Variants in IKZF1 observed in about 807,000 individuals in gnomAD.
IKZF1 encodes the protein IKAROS family zinc finger 1.
IKZF1 carries 10 observed loss-of-function variants against 51.7 expected under a neutral mutation model. That is an observed-to-expected ratio of 0.19 (90% CI 0.12 to 0.33). The LOEUF (loss-of-function observed/expected upper bound fraction) is 0.33. IKZF1 is among the 10% of genes least tolerant of loss of function. The probability of loss-of-function intolerance (pLI) is 1.00; values close to 1 mark genes in which losing one functional copy is unlikely to be tolerated. For missense variants in IKZF1, 484 were observed against 707.5 expected (o/e 0.68, Z 3.58); for synonymous variants, 280 against 282.3 (o/e 0.99, Z 0.08).
chr7:50,379,611 T>C (rs1454134500), intron 4 of IKZF1, among the ~76,000 whole-genome samples: 1 of 152,194 alleles, frequency 6.6e-6, no homozygotes, highest in African/African-American at 2.4e-5. Context: ...ATTATTATTC[T>C]AAATAATGGG....
intron 2 of IKZF1, among the ~76,000 whole-genome samples, chr7:50,326,213 T>A (rs907985072): frequency 1.3e-5 from 2 of 152,356 alleles, no homozygotes; most frequent in South Asian, 4.1e-4. Flanking sequence ...AACAAGGACA[T>A]TTCACACAAT....
At position 50,376,509 on chromosome 7, in the gene IKZF1, G is replaced by T. The variant is rs750161368; in HGVS notation, c.161-24G>T. On this transcript the variant is annotated intron_variant, in intron 3 of 7. Transcript: ENST00000331340. This position sits in a 1 kb window ranked among gnomAD's most constrained non-coding sequence, Gnocchi z 4.5. ...TTTTTTTTTTGCAATGACACTGAGT[G>T]GCCTCCTGTATTGTTTCTTTCAGCC... The T allele has an allele frequency of 6.2e-7, 1 of 1,608,008 alleles. No homozygotes were observed. Among genetic ancestry groups the T allele is most frequent in the South Asian group, 1.1e-5 (1 of 90,576 alleles).
At chr7:50,363,591 T>A (rs1303289392) in intron 3 of IKZF1, among the ~76,000 whole-genome samples, 1 of 152,186 alleles carries the variant, frequency 6.6e-6, no homozygotes, top group Admixed American at 6.5e-5. Flanking sequence ...TTGCCTCTTT[T>A]CTAAGACCGG....
intron 2 of IKZF1, among the ~76,000 whole-genome samples, chr7:50,321,921 T>A (rs1036126979): frequency 6.6e-5 from 10 of 152,196 alleles, no homozygotes; most frequent in Admixed American, 2.0e-4. Context: ...GAAACTCTGT[T>A]TTTGTTTGAA....
At chr7:50,323,599 T>C (rs1177621691) in intron 2 of IKZF1, among the ~76,000 whole-genome samples, 1 of 152,228 alleles carries the variant, frequency 6.6e-6, no homozygotes, top group African/African-American at 2.4e-5. Context: ...TGTAAATGTG[T>C]ATTTTTATAA....
intron 3 of IKZF1, among the ~76,000 whole-genome samples, chr7:50,365,997 C>T (rs1265377352): frequency 1.3e-5 from 2 of 152,120 alleles, no homozygotes; most frequent in Non-Finnish European, 2.9e-5. Flanking sequence ...GAGCTGGAGG[C>T]CATTATCCTT....
chr7:50,348,231 G>A (rs374022167), intron 3 of IKZF1, among the ~76,000 whole-genome samples: 1 of 152,122 alleles, frequency 6.6e-6, no homozygotes, highest in Non-Finnish European at 1.5e-5. Flanking sequence ...TTTTAAGTTT[G>A]TCAGAAAAAT....
At chr7:50,371,617 A>T (rs1808702476) in intron 3 of IKZF1, among the ~76,000 whole-genome samples, 2 of 152,048 alleles carry the variant, frequency 1.3e-5, no homozygotes. Flanking sequence ...ATCACTGGAA[A>T]CCCCTCTCTC....
intron 3 of IKZF1, among the ~76,000 whole-genome samples, chr7:50,335,941 G>C (rs1030441104): frequency 6.6e-6 from 1 of 151,978 alleles, no homozygotes; most frequent in Non-Finnish European, 1.5e-5. Flanking sequence ...CCCCTCACCC[G>C]ATCCTGGCTG....
At position 50,357,015 on chromosome 7, in the gene IKZF1, A is replaced by G. The variant is rs939921166; in HGVS notation, c.161-19518A>G. ...GAGTAACCGAGAGCAGGATGACTGCACCCCTGACTGCCGACTCACCGGGCT... is the reference window on the plus strand; with the variant it reads ...GAGTAACCGAGAGCAGGATGACTGCGCCCCTGACTGCCGACTCACCGGGCT... On this transcript the variant is annotated intron_variant, in intron 3 of 7. Transcript: ENST00000331340. 7.3e-5 allele frequency among the ~76,000 whole-genome samples: 11 copies of G among 151,280 alleles called. No homozygotes were observed. The East Asian group carries it at 1.4e-3, about 19-fold the overall frequency.
chr7:50,319,399 C>T (rs1792515441), intron 2 of IKZF1, among the ~76,000 whole-genome samples: 1 of 151,894 alleles, frequency 6.6e-6, no homozygotes, highest in Non-Finnish European at 1.5e-5. Flanking sequence ...TGGTTTAAAA[C>T]CCAAACACAT....
rs549667778 is a variant in IKZF1 at position 50,317,892 on chromosome 7, C to G, written c.-14-1156C>G. Reference sequence around the variant, plus strand: ...TCAGGTCTCTGCTGAAAGCAGGCCACAGCTCAGATCCACACATCTGAACCA... The same window carrying G: ...TCAGGTCTCTGCTGAAAGCAGGCCAGAGCTCAGATCCACACATCTGAACCA... On this transcript the variant is annotated intron_variant, in intron 1 of 7. Coordinates refer to ENST00000331340, the MANE Select transcript of IKZF1 (RefSeq NM_006060.6). Among the ~76,000 whole-genome samples, 180 of 152,320 alleles carry G rather than the reference C, an allele frequency of 1.2e-3. 2 individuals carry two copies. The highest frequency in any genetic ancestry group is 2.6e-4 in the Non-Finnish European group (18 of 68,024).
chr7:50,400,656 C>T lies in IKZF1; in HGVS notation c.*29C>T, dbSNP rs917278416. 12 of 1,577,438 alleles carry T rather than the reference C, an allele frequency of 7.6e-6. No homozygotes were observed. The highest frequency in any genetic ancestry group is 2.3e-5 in the South Asian group (2 of 88,328). On this transcript the variant is annotated 3_prime_UTR_variant, in exon 8 of 8. Transcript: ENST00000331340. The surrounding 1 kb of genome is among the most constrained non-coding windows in gnomAD (Gnocchi z 5.4). ...CCTCCCGCGCCCCCACCCCAGACCCCGAGCCACCCCAGGAAAAGCACAAGG... is the reference window on the plus strand; with the variant it reads ...CCTCCCGCGCCCCCACCCCAGACCCTGAGCCACCCCAGGAAAAGCACAAGG...
chr7:50,389,525 C>T (rs918886306), intron 6 of IKZF1, among the ~76,000 whole-genome samples: 4 of 152,206 alleles, frequency 2.6e-5, no homozygotes, highest in African/African-American at 9.6e-5. Context: ...TAGGAAGGAG[C>T]AGTGGTCTGG....
At chr7:50,317,700 A>G (rs1473927257) in intron 1 of IKZF1, among the ~76,000 whole-genome samples, 2 of 152,222 alleles carry the variant, frequency 1.3e-5, no homozygotes, top group African/African-American at 2.4e-5. Context: ...GTATATCCTC[A>G]TCATGACTAA....
intron 5 of IKZF1, 44 bp downstream of exon 5, chr7:50,382,751 G>T: frequency 6.4e-7 from 1 of 1,565,520 alleles, no homozygotes; most frequent in East Asian, 2.3e-5. Context: ...GGTGTCCCGG[G>T]ATTCCTCCAC....
intron 7 of IKZF1, among the ~76,000 whole-genome samples, chr7:50,393,701 G>A (rs1420380721): frequency 6.6e-6 from 1 of 152,206 alleles, no homozygotes; most frequent in African/African-American, 2.4e-5. Context: ...GTGAGGTCCT[G>A]TGCTGAGCGT....
At chr7:50,346,688 G>A (rs771737697) in intron 3 of IKZF1, among the ~76,000 whole-genome samples, 13 of 152,150 alleles carry the variant, frequency 8.5e-5, no homozygotes, top group South Asian at 4.1e-4. Context: ...CCCCTGCCTC[G>A]AAAGGAGCTC....
chr7:50,349,033 T>G (rs915187543), intron 3 of IKZF1, among the ~76,000 whole-genome samples: 1 of 152,182 alleles, frequency 6.6e-6, no homozygotes, highest in East Asian at 1.9e-4. Flanking sequence ...TCAGCCAGTT[T>G]ATAACACGAA....
Sources: allele counts gnomAD v4.1 joint callset (sites outside exome capture counted in the v4.1 genomes callset), GRCh38; gene constraint gnomAD v4.1.1; non-coding constraint Gnocchi (gnomAD v3.1); transcripts MANE v1.5; gene names NCBI Gene and HGNC (gene_info 2026-07-23, HGNC 2026-07-21).